Variants in RANBP2 observed in about 807,000 individuals in gnomAD.
RANBP2 encodes the protein E3 SUMO-protein ligase RanBP2.
In RANBP2, 57 loss-of-function variants were observed where a neutral mutation model predicts 303.6. The ratio of observed to expected loss-of-function variants is 0.19; its 90% CI spans 0.15 to 0.23. The LOEUF is 0.23. RANBP2 is among the 10% of genes least tolerant of loss of function. The probability of loss-of-function intolerance (pLI) is 1.00; values close to 1 mark genes in which losing one functional copy is unlikely to be tolerated. For synonymous variants in RANBP2, 1,167 were observed against 1,301.5 expected, an observed-to-expected ratio of 0.90 and a Z score of 2.23; for missense variants, 3,138 against 3,780.8, an observed-to-expected ratio of 0.83 and a Z score of 4.46.
chr2:109,728,190 C>T, the RANBP2 span, among the ~76,000 whole-genome samples: 25 of 152,142 alleles, frequency 1.6e-4, no homozygotes, highest in African/African-American at 6.0e-4. Context: ...CCTCAGAAGC[C>T]AGCAGCAACT....
the RANBP2 span, among the ~76,000 whole-genome samples, chr2:109,405,354 TCC>T: frequency 1.2e-3 from 186 of 152,190 alleles, no homozygotes; most frequent in African/African-American, 4.3e-3. Context: ...CCCTTCGTCT[TCC>T]CCAACACTGA....
chr2:109,700,904 G>C, the RANBP2 span, among the ~76,000 whole-genome samples: 1 of 152,118 alleles, frequency 6.6e-6, no homozygotes, highest in Non-Finnish European at 1.5e-5. Context: ...GGAAGGTGAT[G>C]TGGGAGGAAA....
chr2:109,615,318 G>A, the RANBP2 span: 22 of 1,609,302 alleles, frequency 1.4e-5, 1 homozygote, highest in South Asian at 2.2e-4. Context: ...CTCTGCCTCC[G>A]ATGGCAAGTG....
chr2:109,315,636 G>T, the RANBP2 span, among the ~76,000 whole-genome samples: 2 of 152,260 alleles, frequency 1.3e-5, no homozygotes, highest in Non-Finnish European at 2.9e-5. Context: ...GTCCAGAGAA[G>T]AGACGCCTGT....
the RANBP2 span, among the ~76,000 whole-genome samples, chr2:109,041,555 C>A: frequency 6.8e-6 from 1 of 146,346 alleles, no homozygotes; most frequent in East Asian, 2.0e-4. Context: ...CGGAGTCTCA[C>A]TCTGTCACCC....
chr2:109,603,926 C>T, the RANBP2 span, among the ~76,000 whole-genome samples: 54 of 151,994 alleles, frequency 3.6e-4, no homozygotes, highest in African/African-American at 1.3e-3. Context: ...CTTTGGGAGG[C>T]CGAGGCGGGC....
chr2:109,611,884 G>C, the RANBP2 span, among the ~76,000 whole-genome samples: 3 of 152,136 alleles, frequency 2.0e-5, no homozygotes, highest in Non-Finnish European at 4.4e-5. Context: ...TTCCTGGTAG[G>C]GATGCAAAAT....
rs189959842 is a variant in RANBP2, at chr2:108,777,196, C to T, written c.8564C>T (p.Ser2855Phe). The T allele has an allele frequency of 9.3e-6, 15 of 1,613,504 alleles. No homozygotes were observed. Among genetic ancestry groups the T allele is most frequent in the Non-Finnish European group, 1.3e-5 (15 of 1,179,594 alleles). ...STGLSFADLA[S>F]SNSGDFAFGS... ...GGGCTCTCATTTGCAGACTTGGCTTCCAGTAATTCTGGAGATTTTGCTTTT... is the reference window on the plus strand; with the variant it reads ...GGGCTCTCATTTGCAGACTTGGCTTTCAGTAATTCTGGAGATTTTGCTTTT... Residue 2855 changes from serine to phenylalanine, a missense_variant, in exon 25 of 29, where the codon TCC (serine) becomes TTC (phenylalanine). Ser to Phe is a radical substitution (Grantham distance 155). Coordinates refer to ENST00000283195, the MANE Select transcript of RANBP2 (RefSeq NM_006267.5).
the RANBP2 span, among the ~76,000 whole-genome samples, chr2:109,246,158 T>C: frequency 2.0e-5 from 3 of 152,198 alleles, no homozygotes; most frequent in Non-Finnish European, 2.9e-5. Context: ...GGTTGTGAGG[T>C]TGACAGAGGC....
At chr2:109,580,094 C>T in the RANBP2 span, among the ~76,000 whole-genome samples, 1 of 151,830 alleles carries the variant, frequency 6.6e-6, no homozygotes, top group Non-Finnish European at 1.5e-5. Context: ...GCACTCCAGC[C>T]TGGGCGACAA....
chr2:109,017,468 C>T, the RANBP2 span, among the ~76,000 whole-genome samples: 13 of 152,192 alleles, frequency 8.5e-5, no homozygotes, highest in African/African-American at 2.7e-4. Context: ...GGCGTGGGGT[C>T]GCTCCTGCTC....
the RANBP2 span, chr2:108,798,645 C>T: frequency 7.5e-7 from 1 of 1,339,056 alleles, no homozygotes; most frequent in Non-Finnish European, 1.0e-6. Flanking sequence ...CTTAGATTCA[C>T]TAGTTACTAA....
the RANBP2 span, chr2:109,437,106 C>T: frequency 5.0e-6 from 8 of 1,613,104 alleles, no homozygotes; most frequent in African/African-American, 1.3e-5. Flanking sequence ...GGCACTCAGC[C>T]CAGCCAACGG....
chr2:108,806,508 T>C, the RANBP2 span, among the ~76,000 whole-genome samples: 1 of 152,142 alleles, frequency 6.6e-6, no homozygotes, highest in African/African-American at 2.4e-5. Context: ...AGATCAGAGG[T>C]CAGCACGCTT....
chr2:109,607,473 C>G, the RANBP2 span, among the ~76,000 whole-genome samples: 1 of 152,248 alleles, frequency 6.6e-6, no homozygotes, highest in East Asian at 1.9e-4. Context: ...GAAATCGGTT[C>G]TTGGGAGGAC....
the RANBP2 span, among the ~76,000 whole-genome samples, chr2:109,253,053 A>G: frequency 1.3e-5 from 2 of 151,884 alleles, no homozygotes; most frequent in Admixed American, 1.3e-4. Flanking sequence ...TAAGAGCTAG[A>G]GTCTTGCTCT....
the RANBP2 span, among the ~76,000 whole-genome samples, chr2:108,909,360 C>T: frequency 6.6e-6 from 1 of 152,016 alleles, no homozygotes; most frequent in Non-Finnish European, 1.5e-5. Flanking sequence ...AGGTCCTGCC[C>T]TTGGTCCTGG....
At chr2:109,370,393 C>T in the RANBP2 span, among the ~76,000 whole-genome samples, 1 of 152,082 alleles carries the variant, frequency 6.6e-6, no homozygotes, top group Non-Finnish European at 1.5e-5. Context: ...GTGCCTGCCA[C>T]CATGCCCGGC....
At chr2:109,449,182 C>T in the RANBP2 span, 15 of 1,613,558 alleles carry the variant, frequency 9.3e-6, no homozygotes, top group East Asian at 3.3e-4. Context: ...GCCCACTCTG[C>T]AGCCCAGGCT....
Sources: allele counts gnomAD v4.1 joint callset (sites outside exome capture counted in the v4.1 genomes callset), GRCh38; gene constraint gnomAD v4.1.1; transcripts MANE v1.5; gene names NCBI Gene and HGNC (gene_info 2026-07-23, HGNC 2026-07-21).